Variants in ERGIC3 observed in about 807,000 individuals in gnomAD.
ERGIC3 encodes the protein ERGIC and golgi 3, also known as endoplasmic reticulum-Golgi intermediate compartment protein 3.
Under a neutral mutation model 54.7 loss-of-function variants are expected in ERGIC3, and 33 were observed. The observed-to-expected ratio is 0.60, with a 90% CI of 0.46 to 0.81. The LOEUF (loss-of-function observed/expected upper bound fraction) is 0.81, where lower values mean the gene tolerates loss of function less well. Ranked by LOEUF, ERGIC3 falls within the 30% of genes least tolerant of loss-of-function variation. ERGIC3 has a pLI of 0.00. For missense variants in ERGIC3, 399 were observed against 488.4 expected (o/e 0.82, Z 1.73); for synonymous variants, 186 against 189.8 (o/e 0.98, Z 0.16).
chr20:35,556,837 C>A, intron 10 of ERGIC3, 136 bp from the exon 11 acceptor site: 1 of 1,249,046 alleles, frequency 8.0e-7, no homozygotes, highest in Non-Finnish European at 1.1e-6. Flanking sequence ...GCAGTGCAGG[C>A]CACTAGCACG....
At position 35,548,830 on chromosome 20, in the gene ERGIC3, C is replaced by T. The variant is rs1186774813; in HGVS notation, c.650C>T (p.Ala217Val). ...VNKVAGNFHFAPGKSFQQSHV... is the reference protein window; with the variant it reads ...VNKVAGNFHFVPGKSFQQSHV... ...CAGGTGGCCGGAAACTTCCACTTTG[C>T]CCCTGGGAAGAGCTTCCAGCAGTCC... The change falls in exon 7 of 13, where the codon GCC becomes GTC. Residue 217 changes from alanine to valine, a missense_variant. Ala to Val is a moderately conservative substitution (Grantham distance 64). Transcript: ENST00000348547. The T allele has an allele frequency of 6.2e-7, 1 of 1,614,094 alleles. No homozygotes were observed. Among genetic ancestry groups the T allele is most frequent in the African/African-American group, 1.3e-5 (1 of 74,948 alleles).
At chr20:35,547,588 T>A in intron 5 of ERGIC3, 83 bp downstream of exon 5, 1 of 1,302,926 alleles carries the variant, frequency 7.7e-7, no homozygotes, top group Non-Finnish European at 1.1e-6. Flanking sequence ...CTGTGGCAGG[T>A]GGGGAGGTCA....
chr20:35,556,950 C>T, intron 10 of ERGIC3, 23 bp from the exon 11 acceptor site: 1 of 1,613,774 alleles, frequency 6.2e-7, no homozygotes, highest in Non-Finnish European at 8.5e-7. Flanking sequence ...CTAGCCCTGG[C>T]CCAGGCTCCC....
In ERGIC3 at chr20:35,548,670, A is replaced by G. The variant is rs1363834170; in HGVS notation, c.623A>G (p.Asn208Ser). The change falls in exon 6 of 13, where the codon AAT becomes AGT. Residue 208 changes from asparagine (N) to serine (S), a missense_variant. Coordinates refer to ENST00000348547, the MANE Select transcript of ERGIC3 (RefSeq NM_015966.3). ...CAGGTGTATGGCTTCTTGGAAGTCA[A>G]TAAGGTATCAGGAGGGATCAAGACA... ...GCQVYGFLEV[N>S]KVAGNFHFAP... 1.2e-6 allele frequency: 2 copies of G among 1,614,242 alleles called. No individual in the cohort carries two copies. Among genetic ancestry groups the G allele is most frequent in the Non-Finnish European group, 1.7e-6 (2 of 1,180,034 alleles).
Position 35,554,653 on chromosome 20 carries a change from G to A in ERGIC3, c.686-391G>A, listed in dbSNP as rs1392340775. On this transcript the variant is annotated intron_variant, in intron 7 of 12. Coordinates refer to ENST00000348547, the MANE Select transcript of ERGIC3 (RefSeq NM_015966.3). Reference sequence around the variant, plus strand: ...CTGGGGAGCTTTGAGGGTGGAGGCAGGGAAAGTGTGGATGGCATTCTCAGA... The same window carrying A: ...CTGGGGAGCTTTGAGGGTGGAGGCAAGGAAAGTGTGGATGGCATTCTCAGA... 6.6e-6 allele frequency among the ~76,000 whole-genome samples: 1 copy of A among 152,202 alleles called. No homozygotes were observed. The highest frequency in any genetic ancestry group is 1.5e-5 in the Non-Finnish European group (1 of 68,034).
chr20:35,542,502 C>A lies in ERGIC3; in HGVS notation c.160-11C>A, dbSNP rs199610645. Reference sequence around the variant, plus strand: ...TTGGGGCTAAGTCTTACTGAGGTAGCGCTGCCCCAGGTGCATCCTGAGCTC... The same window carrying A: ...TTGGGGCTAAGTCTTACTGAGGTAGAGCTGCCCCAGGTGCATCCTGAGCTC... On this transcript the variant is annotated splice_polypyrimidine_tract_variant and intron_variant, in intron 2 of 12. Coordinates refer to ENST00000348547, the MANE Select transcript of ERGIC3 (RefSeq NM_015966.3). 33 of 1,613,780 alleles carry A rather than the reference C, an allele frequency of 2.0e-5. No individual in the cohort carries two copies. Among genetic ancestry groups the A allele is most frequent in the Non-Finnish European group, 8.5e-6 (10 of 1,179,996 alleles).
rs1601369011 is a variant in ERGIC3 at position 35,556,555 on chromosome 20, T to C, written c.879+284T>C. 4.2e-5 allele frequency: 22 copies of C among 519,552 alleles called. No individual in the cohort carries two copies. The East Asian group carries it at 7.7e-4, about 18-fold the overall frequency. 32.2% of individuals were successfully genotyped at this position (519,552 alleles called of 1,614,324 possible). ...ACTGTTCTCTGTGGTCTGCCTGGGC[T>C]GGGGGTTAGGCAAGGCAAGTCTCTG... On this transcript the variant is annotated intron_variant, in intron 10 of 12. Transcript: ENST00000348547.
rs768853849 is a variant in ERGIC3 at position 35,547,488 on chromosome 20, T to C, written c.444T>C (p.Ala148=). The change falls in exon 5 of 13, where the codon GCT becomes GCC. Residue 148 remains alanine, a synonymous_variant. Coordinates refer to ENST00000348547, the MANE Select transcript of ERGIC3 (RefSeq NM_015966.3). ...ATCGCTGTGAGAGCTGCTATGGTGC[T>C]GAGGCAGAAGATATCAAGTGAGCTG... is the stretch of plus-strand genomic sequence containing the variant. ...DPDRCESCYG[A]EAEDIKCCNT... is the part of the protein sequence containing the mutation. The C allele has an allele frequency of 1.2e-6, 2 of 1,614,036 alleles. No individual in the cohort carries two copies. Among genetic ancestry groups the C allele is most frequent in the Non-Finnish European group, 1.7e-6 (2 of 1,179,964 alleles).
intron 7 of ERGIC3, chr20:35,554,809 C>T: frequency 3.2e-6 from 2 of 615,432 alleles, no homozygotes; most frequent in South Asian, 1.9e-5. Context: ...TCCCTGTGGA[C>T]GTCAGGGAGG....
intron 7 of ERGIC3, among the ~76,000 whole-genome samples, chr20:35,550,743 G>A (rs1457978966): frequency 1.3e-5 from 2 of 152,176 alleles, no homozygotes; most frequent in Non-Finnish European, 2.9e-5. Flanking sequence ...AAGAAGGTGA[G>A]GCATGATCTG....
At chr20:35,542,683 CTG>C in intron 3 of ERGIC3, 83 bp downstream of exon 3, 1 of 1,599,384 alleles carries the variant, frequency 6.3e-7, no homozygotes, top group South Asian at 1.1e-5. Context: ...CCCTTAGGTT[CTG>C]GACTGGACCC....
chr20:35,548,404 C>A, intron 5 of ERGIC3, 105 bp from the exon 6 acceptor site: 1 of 1,224,496 alleles, frequency 8.2e-7, no homozygotes, highest in South Asian at 1.4e-5. Flanking sequence ...ATGAGGCTAG[C>A]AGAGCCTTCA....
intron 7 of ERGIC3, among the ~76,000 whole-genome samples, chr20:35,553,621 G>C (rs1199466029): frequency 6.6e-6 from 1 of 151,960 alleles, no homozygotes; most frequent in African/African-American, 2.4e-5. Context: ...GGGTAGCTCT[G>C]CTGGTCTTCA....
At chr20:35,543,939 GT>G (rs2064631459) in intron 4 of ERGIC3, 1 of 329,988 alleles carries the variant, frequency 3.0e-6, no homozygotes, top group African/African-American at 2.2e-5. Context: ...GGAGTGGCTT[GT>G]TTGGGTGATT....
intron 7 of ERGIC3, among the ~76,000 whole-genome samples, chr20:35,552,061 A>T (rs958111198): frequency 2.0e-5 from 3 of 152,218 alleles, no homozygotes; most frequent in African/African-American, 7.2e-5. Flanking sequence ...GACCGGAGTG[A>T]AGTCCTGGAG....
chr20:35,548,472 C>T, intron 5 of ERGIC3, 37 bp from the exon 6 acceptor site: 1 of 1,606,026 alleles, frequency 6.2e-7, no homozygotes, highest in Non-Finnish European at 8.5e-7. Flanking sequence ...GGACTTATGC[C>T]TCTTTAACAC....
rs750999591 is a variant in ERGIC3, at chr20:35,557,067, A to G, written c.974A>G (p.Tyr325Cys). 15 of 1,614,210 alleles carry G rather than the reference A, an allele frequency of 9.3e-6. No individual in the cohort carries two copies. Among genetic ancestry groups the G allele is most frequent in the Non-Finnish European group, 1.3e-5 (15 of 1,180,036 alleles). The stretch of plus-strand genomic sequence containing the variant: ...GGCCTTCCCGGAGTCTTCGTCCTCT[A>G]TGAGCTCTCGCCCATGATGGTGAAG... ...DQGLPGVFVL[Y>C]ELSPMMVKLT... The change falls in exon 11 of 13, where the codon TAT becomes TGT. Residue 325 changes from tyrosine to cysteine, a missense_variant. Physicochemically the swap from Tyr to Cys is radical, Grantham distance 194. Coordinates refer to ENST00000348547, the MANE Select transcript of ERGIC3 (RefSeq NM_015966.3).
At chr20:35,544,421 A>G in intron 4 of ERGIC3, 1 of 301,798 alleles carries the variant, frequency 3.3e-6, no homozygotes, top group South Asian at 3.1e-5. Flanking sequence ...AGAGGGCAGG[A>G]CAGGGGGCTC....
At position 35,556,279 on chromosome 20, in the gene ERGIC3, A is replaced by G. The variant is rs1284122188; in HGVS notation, c.879+8A>G. ...ATGAAGGTGGACGGAGAGGTGAGTC[A>G]GGGAGCTCCCTACCAGAGTCTCCTG... is the stretch of plus-strand genomic sequence containing the variant. On this transcript the variant is annotated splice_region_variant and intron_variant, in intron 10 of 12. Coordinates refer to ENST00000348547, the MANE Select transcript of ERGIC3 (RefSeq NM_015966.3). 1.9e-6 allele frequency: 3 copies of G among 1,613,896 alleles called. No individual in the cohort carries two copies. The highest frequency in any genetic ancestry group is 1.3e-5 in the African/African-American group (1 of 74,922).
Sources: gnomAD v4.1 joint callset for allele counts (sites outside exome capture counted in the v4.1 genomes callset) on GRCh38, gnomAD v4.1.1 for gene constraint, MANE v1.5 for transcripts, NCBI Gene and HGNC (gene_info 2026-07-23, HGNC 2026-07-21) for gene names.